Variants in BRWD3 observed in about 807,000 individuals in gnomAD.
The protein encoded by BRWD3 is bromodomain and WD repeat domain containing 3, also known as bromodomain and WD repeat-containing protein 3.
Under a neutral mutation model 149.7 loss-of-function variants are expected in BRWD3, and 10 were observed. That is an observed-to-expected ratio of 0.07 (90% confidence interval 0.04 to 0.11). The LOEUF (loss-of-function observed/expected upper bound fraction) is 0.11. Among genes scored for constraint, BRWD3 ranks in the 10% least tolerant of loss-of-function variants. BRWD3 has a pLI of 1.00. For synonymous variants in BRWD3, 504 were observed against 456.7 expected (o/e 1.10, Z -1.32); for missense variants, 940 against 1,373.2 (o/e 0.68, Z 4.99).
intron 4 of BRWD3, among the ~76,000 whole-genome samples, chrX:80,799,522 G>C (rs2074271490): frequency 8.9e-6 from 1 of 111,939 alleles, no homozygotes; most frequent in Non-Finnish European, 1.9e-5. Context: ...ATTTTGCCTG[G>C]GTCTGATTGG....
intron 36 of BRWD3, 61 bp downstream of exon 36, chrX:80,685,401 G>C: frequency 1.0e-6 from 1 of 959,614 alleles, no homozygotes; most frequent in South Asian, 2.0e-5. Flanking sequence ...TTCATGTACA[G>C]TATGGAGAGT....
intron 4 of BRWD3, among the ~76,000 whole-genome samples, chrX:80,798,516 C>T (rs1333393860): frequency 3.6e-5 from 4 of 110,745 alleles, no homozygotes. Context: ...AGTCATTTAA[C>T]TACATTTATC....
At chrX:80,689,715 C>T (rs1037467681) in intron 33 of BRWD3, 53 bp downstream of exon 33, 2 of 1,047,425 alleles carry the variant, frequency 1.9e-6, no homozygotes, top group Non-Finnish European at 2.7e-6. Flanking sequence ...TAATACTGTA[C>T]TTCAAATAAG....
In BRWD3 at chrX:80,704,670, T is replaced by TTACA. The variant is rs1261257777; in HGVS notation, c.2721+4_2721+7dup. The TTACA allele has an allele frequency of 4.1e-6, 5 of 1,208,028 alleles. No homozygotes were observed. The highest frequency in any genetic ancestry group is 5.6e-6 in the Non-Finnish European group (5 of 893,305). On this transcript the variant is annotated splice_region_variant and intron_variant, in intron 23 of 40. Transcript: ENST00000373275. ...AACAAAAACAAAATAACTTATAAAG[T>TTACA]TACAAACCTTCTTTCTAGTCTGCTT...
intron 14 of BRWD3, among the ~76,000 whole-genome samples, chrX:80,727,153 T>C (rs1027824926): frequency 4.5e-5 from 5 of 110,621 alleles, no homozygotes; most frequent in African/African-American, 1.6e-4. Context: ...CACACTTTTA[T>C]TTCCACCACC....
intron 37 of BRWD3, among the ~76,000 whole-genome samples, chrX:80,683,378 G>C (rs966498089): frequency 3.6e-5 from 4 of 111,126 alleles, no homozygotes; most frequent in Non-Finnish European, 7.6e-5. Flanking sequence ...ACTTTCTATA[G>C]AAAATGTTAC....
intron 4 of BRWD3, among the ~76,000 whole-genome samples, chrX:80,799,517 G>T (rs929308530): frequency 5.4e-5 from 6 of 112,005 alleles, no homozygotes; most frequent in African/African-American, 1.9e-4. Flanking sequence ...GTAACATTTT[G>T]CCTGGGTCTG....
intron 20 of BRWD3, among the ~76,000 whole-genome samples, chrX:80,712,298 G>A (rs1228669998): frequency 2.7e-5 from 3 of 110,810 alleles, no homozygotes; most frequent in East Asian, 2.9e-4. Flanking sequence ...GCAGGCACGC[G>A]CCGCCACACC....
chrX:80,746,408 CT>C (rs1370152084), intron 6 of BRWD3, among the ~76,000 whole-genome samples: 2 of 109,599 alleles, frequency 1.8e-5, no homozygotes, highest in African/African-American at 3.3e-5. Context: ...TTCTTGTTCG[CT>C]TTGCCTTGTT....
chrX:80,723,966 TG>T, intron 15 of BRWD3, 90 bp from the exon 16 acceptor site: 1 of 970,417 alleles, frequency 1.0e-6, no homozygotes, highest in Non-Finnish European at 1.4e-6. Context: ...CCATGGACTC[TG>T]TGATACACAA....
intron 4 of BRWD3, among the ~76,000 whole-genome samples, chrX:80,796,583 T>C (rs1232185183): frequency 2.7e-5 from 3 of 111,781 alleles, no homozygotes; most frequent in Non-Finnish European, 5.6e-5. Flanking sequence ...GTGATTATTT[T>C]TGTTTTAAAT....
At chrX:80,762,135 G>A (rs2073809943) in intron 6 of BRWD3, among the ~76,000 whole-genome samples, 1 of 111,603 alleles carries the variant, frequency 9.0e-6, no homozygotes, top group African/African-American at 3.3e-5. Flanking sequence ...CAACTTTATA[G>A]TTAAGATTGA....
At chrX:80,735,867 G>T in intron 9 of BRWD3, 121 bp downstream of exon 9, 3 of 413,467 alleles carry the variant, frequency 7.3e-6, no homozygotes, top group Non-Finnish European at 8.4e-6. Context: ...GTATGGATAT[G>T]TATACACAAA....
rs59394410 is a variant in BRWD3 at position 80,750,857 on chromosome X, T to TACACACACAC, written c.431-5138_431-5129dup. Among the ~76,000 whole-genome samples, 388 of 93,941 alleles carry TACACACACAC rather than the reference T, an allele frequency of 4.1e-3. 2 individuals carry two copies. The highest frequency in any genetic ancestry group is 0.024 in the Admixed American group (199 of 8,294). The allele number at this position is 93,941 out of a possible 115,157, so 81.6% of individuals were successfully genotyped here. ...CAGATGAATGAATCAATGTGTTTTA[T>TACACACACAC]ACACACACACACACACACACACACA... On this transcript the variant is annotated intron_variant, in intron 6 of 40. Transcript: ENST00000373275.
rs190770431 is a variant in BRWD3, at chrX:80,797,094, C to A, written c.181-3322G>T. 3.6e-5 allele frequency among the ~76,000 whole-genome samples: 4 copies of A among 112,091 alleles called. No homozygotes were observed. The East Asian group carries it at 1.1e-3, about 31-fold the overall frequency. ...CTAAAATCCTAGTTTATAATTCATA[C>A]CCTGCACATTCAGGCATTTCCTAAA... On this transcript the variant is annotated intron_variant, in intron 4 of 40. Coordinates refer to ENST00000373275, the MANE Select transcript of BRWD3 (RefSeq NM_153252.5).
chrX:80,761,452 G>A (rs1419879624), intron 6 of BRWD3, among the ~76,000 whole-genome samples: 1 of 112,266 alleles, frequency 8.9e-6, no homozygotes, highest in East Asian at 2.8e-4. Flanking sequence ...GACAGGCAAA[G>A]AAGTCAAAAA....
At chrX:80,687,527 C>A (rs1475938484) in intron 34 of BRWD3, among the ~76,000 whole-genome samples, 1 of 111,365 alleles carries the variant, frequency 9.0e-6, no homozygotes, top group Admixed American at 9.6e-5. Flanking sequence ...CAGAAGTCTG[C>A]ACAAAAGAGT....
At chrX:80,683,963 C>A (rs371742468) in intron 37 of BRWD3, 47 bp downstream of exon 37, 1 of 1,160,031 alleles carries the variant, frequency 8.6e-7, no homozygotes, top group African/African-American at 1.8e-5. Flanking sequence ...TTTTCAGTAA[C>A]TGGTTAAAGA....
At chrX:80,782,408 A>G (rs781467205) in intron 6 of BRWD3, among the ~76,000 whole-genome samples, 2 of 111,122 alleles carry the variant, frequency 1.8e-5, no homozygotes, top group Non-Finnish European at 3.8e-5. Flanking sequence ...GAAACCACTA[A>G]AAGAAAACAT....
Sources: gnomAD v4.1 joint callset for allele counts (sites outside exome capture counted in the v4.1 genomes callset) on GRCh38, gnomAD v4.1.1 for gene constraint, MANE v1.5 for transcripts, NCBI Gene and HGNC (gene_info 2026-07-23, HGNC 2026-07-21) for gene names.